KRIT1: variants seen among roughly 807,000 people sequenced by gnomAD.
The protein encoded by KRIT1 is KRIT1 ankyrin repeat containing.
A neutral mutation model predicts 95.8 loss-of-function variants in KRIT1; 45 were observed. That is an observed-to-expected ratio of 0.47 (90% CI 0.37 to 0.60). KRIT1 has a LOEUF of 0.60. Among genes scored for constraint, KRIT1 ranks in the 20% least tolerant of loss-of-function variants. The probability of loss-of-function intolerance (pLI) is 0.00; values close to 1 mark genes in which losing one functional copy is unlikely to be tolerated. For missense variants in KRIT1, 788 were observed against 877.5 expected (o/e 0.90, Z 1.29); for synonymous variants, 282 against 278.8 (o/e 1.01, Z -0.11).
chr7:92,219,612 G>T (rs945211148), intron 14 of KRIT1, among the ~76,000 whole-genome samples: 2 of 152,082 alleles, frequency 1.3e-5, no homozygotes, highest in African/African-American at 4.8e-5. Flanking sequence ...GATTGCTTTG[G>T]CTATTTGAGT....
chr7:92,235,304 T>G, intron 8 of KRIT1, 99 bp downstream of exon 8: 4 of 1,223,874 alleles, frequency 3.3e-6, no homozygotes, highest in East Asian at 2.4e-5. Context: ...CAGGCCTTCA[T>G]GTTTATAATT....
intron 12 of KRIT1, among the ~76,000 whole-genome samples, chr7:92,224,030 G>C (rs1198641377): frequency 6.6e-6 from 1 of 152,166 alleles, no homozygotes; most frequent in Admixed American, 6.5e-5. Flanking sequence ...TGTACTGCTT[G>C]TCTATTTCCT....
chr7:92,213,538 A>G, intron 16 of KRIT1, 137 bp from the exon 17 acceptor site: 1 of 642,868 alleles, frequency 1.6e-6, no homozygotes, highest in Non-Finnish European at 2.7e-6. Context: ...ACATTGTATC[A>G]GGAGTACTTT....
intron 10 of KRIT1, among the ~76,000 whole-genome samples, chr7:92,231,581 T>G (rs1287193329): frequency 6.6e-6 from 1 of 152,194 alleles, no homozygotes; most frequent in Non-Finnish European, 1.5e-5. Flanking sequence ...TAAACCCTAG[T>G]CTCTTCACTG....
chr7:92,201,282 G>T (rs778248939), intron 18 of KRIT1, 25 bp downstream of exon 18: 23 of 1,052,596 alleles, frequency 2.2e-5, no homozygotes, highest in Middle Eastern at 2.0e-4. Context: ...AATAGTTTAT[G>T]AAGTCCAAAA....
intron 14 of KRIT1, 100 bp downstream of exon 14, chr7:92,221,802 A>C: frequency 1.0e-6 from 1 of 965,946 alleles, no homozygotes. Flanking sequence ...GTAAGGATCG[A>C]TTTAAGGATG....
intron 15 of KRIT1, 133 bp downstream of exon 15, chr7:92,214,478 C>T: frequency 1.5e-6 from 1 of 670,702 alleles, no homozygotes; most frequent in East Asian, 2.8e-5. Context: ...TATTTTTTCT[C>T]ATTCTATGTC....
At chr7:92,230,717 A>G (rs1443770096) in intron 10 of KRIT1, among the ~76,000 whole-genome samples, 1 of 152,194 alleles carries the variant, frequency 6.6e-6, no homozygotes, top group Non-Finnish European at 1.5e-5. Flanking sequence ...AAGGGGAATA[A>G]GAAGAATTTT....
chr7:92,225,813 T>C lies in KRIT1; in HGVS notation c.1161A>G (p.Gln387=), dbSNP rs1796088257. ...AAATATTTAATGGAGATCTTCCTTG[T>C]TGGTCTGTTATATGCTAGAAATGTG... ...HPETDRHITD[Q]QGRSPLNICE... is the part of the protein sequence containing the mutation. Residue 387 remains glutamine (Q), a synonymous_variant, in exon 12 of 19, where the codon CAA becomes CAG. Coordinates refer to ENST00000394505, the MANE Select transcript of KRIT1 (RefSeq NM_194454.3). 1 of 1,599,530 alleles carries C rather than the reference T, an allele frequency of 6.3e-7. No homozygotes were observed. Among genetic ancestry groups the C allele is most frequent in the Non-Finnish European group, 8.6e-7 (1 of 1,166,796 alleles).
At position 92,213,248 on chromosome 7, in the gene KRIT1, C is replaced by T. The variant is rs1793270392; in HGVS notation, c.1972G>A (p.Val658Met). Reference sequence around the variant, plus strand: ...CCTTTTATATTCACTCCTACATACACAGGGATGACTTTATGATTGCTGGGG... The same window carrying T: ...CCTTTTATATTCACTCCTACATACATAGGGATGACTTTATGATTGCTGGGG... Reference protein sequence around the residue: ...ASPSNHKVIPVYVGVNIKGLH... With the variant: ...ASPSNHKVIPMYVGVNIKGLH... Residue 658 changes from valine to methionine, a missense_variant, in exon 17 of 19, where the codon GTG becomes ATG. By Grantham distance (21) the Val-to-Met change is conservative (BLOSUM62 1). Transcript: ENST00000394505. 3 of 1,613,396 alleles carry T rather than the reference C, an allele frequency of 1.9e-6. No homozygotes were observed. Among genetic ancestry groups the T allele is most frequent in the Non-Finnish European group, 2.5e-6 (3 of 1,179,604 alleles).
chr7:92,209,754 A>C (rs1370242267), intron 17 of KRIT1, among the ~76,000 whole-genome samples: 1 of 152,182 alleles, frequency 6.6e-6, no homozygotes, highest in Non-Finnish European at 1.5e-5. Context: ...GGATTGGAAG[A>C]GTTAATATTG....
chr7:92,201,469 C>T (rs373055435), intron 17 of KRIT1, 46 bp from the exon 18 acceptor site: 3 of 918,636 alleles, frequency 3.3e-6, no homozygotes, highest in Non-Finnish European at 5.5e-6. Flanking sequence ...ATATTAAAAA[C>T]TTCACCTATT....
At chr7:92,221,575 C>T (rs4369) in intron 14 of KRIT1, among the ~76,000 whole-genome samples, 142,023 of 152,316 alleles carry the variant, frequency 0.93, 66,566 homozygotes, top group African/African-American at 0.98. Flanking sequence ...TACAACTGAT[C>T]AGCCCTTTAT....
chr7:92,230,596 G>T lies in KRIT1; in HGVS notation c.989+3853C>A, dbSNP rs543713863. The stretch of plus-strand genomic sequence containing the variant: ...GCTGTGAAAGGAAGGAAAGAAACAG[G>T]ATGGTAGCTAAAAGAAGTAGGTTCA... On this transcript the variant is annotated intron_variant, in intron 10 of 18. Transcript: ENST00000394505. 4.6e-5 allele frequency among the ~76,000 whole-genome samples: 7 copies of T among 152,284 alleles called. No individual in the cohort carries two copies. The South Asian group carries it at 1.5e-3, about 32-fold the overall frequency.
chr7:92,216,319 A>G (rs1221999737), intron 14 of KRIT1, among the ~76,000 whole-genome samples: 2 of 149,960 alleles, frequency 1.3e-5, no homozygotes, highest in East Asian at 1.9e-4. Context: ...TATTAATAAT[A>G]CTCTATTTAA....
intron 17 of KRIT1, among the ~76,000 whole-genome samples, chr7:92,207,846 G>A (rs1402385438): frequency 2.0e-5 from 3 of 152,126 alleles, no homozygotes; most frequent in Non-Finnish European, 1.5e-5. Context: ...CGACAGAGCA[G>A]GACTCTGTCT....
At chr7:92,224,354 C>G (rs985116563) in intron 12 of KRIT1, among the ~76,000 whole-genome samples, 2 of 152,108 alleles carry the variant, frequency 1.3e-5, no homozygotes, top group African/African-American at 4.8e-5. Context: ...CCCAGCTACT[C>G]AAGAGGCTGA....
chr7:92,231,135 T>A (rs1034292534), intron 10 of KRIT1, among the ~76,000 whole-genome samples: 3 of 152,016 alleles, frequency 2.0e-5, no homozygotes, highest in African/African-American at 7.2e-5. Flanking sequence ...ACGGGAAGAA[T>A]AAAGAAGTGA....
At chr7:92,205,015 G>A (rs1791090523) in intron 17 of KRIT1, among the ~76,000 whole-genome samples, 1 of 152,028 alleles carries the variant, frequency 6.6e-6, no homozygotes. Flanking sequence ...ACTATGACTG[G>A]GATATTTCAG....
Sources: allele counts gnomAD v4.1 joint callset (sites outside exome capture counted in the v4.1 genomes callset), GRCh38; gene constraint gnomAD v4.1.1; transcripts MANE v1.5; gene names NCBI Gene and HGNC (gene_info 2026-07-23, HGNC 2026-07-21).